Variants in HOOK3 observed in about 807,000 individuals in gnomAD.
HOOK3 encodes hook microtubule tethering protein 3, also known as protein Hook homolog 3.
In HOOK3, 24 loss-of-function variants were observed where a neutral mutation model predicts 116.3. The ratio of observed to expected loss-of-function variants is 0.21; its 90% CI spans 0.15 to 0.29. The LOEUF is 0.29. Ranked by LOEUF, HOOK3 falls within the 10% of genes least tolerant of loss-of-function variation. HOOK3 has a pLI of 1.00. For missense variants in HOOK3, 632 were observed against 830.2 expected (o/e 0.76, Z 2.93); for synonymous variants, 275 against 283.0 (o/e 0.97, Z 0.28).
In HOOK3 at chr8:42,925,643, C is replaced by T. The variant is rs553898329; in HGVS notation, c.216+14C>T. 16 of 1,534,064 alleles carry T rather than the reference C, an allele frequency of 1.0e-5. No individual in the cohort carries two copies. In the Admixed American group the frequency reaches 1.4e-4, roughly 14 times the overall value. Reference sequence around the variant, plus strand: ...TGGAGGCTAAAGGTATTTTATTTTTCCACCTGTTAAATCTTTAAATATTTG... The same window carrying T: ...TGGAGGCTAAAGGTATTTTATTTTTTCACCTGTTAAATCTTTAAATATTTG... On this transcript the variant is annotated intron_variant, in intron 3 of 21. Coordinates refer to ENST00000307602, the MANE Select transcript of HOOK3 (RefSeq NM_032410.4).
intron 2 of HOOK3, among the ~76,000 whole-genome samples, chr8:42,921,035 A>G (rs1428819924): frequency 2.0e-5 from 3 of 152,190 alleles, no homozygotes; most frequent in African/African-American, 7.2e-5. Flanking sequence ...ATGATGCCTG[A>G]TGTGAAACAT....
At chr8:42,959,818 G>A (rs979472511) in intron 8 of HOOK3, among the ~76,000 whole-genome samples, 1 of 151,496 alleles carries the variant, frequency 6.6e-6, no homozygotes, top group Non-Finnish European at 1.5e-5. Context: ...TTATTTGTCT[G>A]GAATTTACTT....
chr8:42,964,977 T>C (rs1415424272), intron 9 of HOOK3, among the ~76,000 whole-genome samples: 2 of 152,236 alleles, frequency 1.3e-5, no homozygotes, highest in Non-Finnish European at 2.9e-5. Context: ...ACCCTCCTTA[T>C]TGTTTGAAGG....
At chr8:43,014,508 C>G (rs1053292134) in intron 21 of HOOK3, among the ~76,000 whole-genome samples, 3 of 151,702 alleles carry the variant, frequency 2.0e-5, no homozygotes, top group African/African-American at 7.3e-5. Flanking sequence ...CCTGCCAGCA[C>G]GCCCGAATAA....
intron 17 of HOOK3, 50 bp downstream of exon 17, chr8:43,002,191 G>GTT: frequency 7.1e-7 from 1 of 1,406,874 alleles, no homozygotes; most frequent in Non-Finnish European, 1.0e-6. Flanking sequence ...GAACACATGT[G>GTT]CTTTGTGTTA....
chr8:43,029,848 T>G lies in HOOK3; in HGVS notation c.*11350T>G, dbSNP rs1809998666. 1 of 213,542 alleles carries G rather than the reference T, an allele frequency of 4.7e-6. No individual in the cohort carries two copies. Among genetic ancestry groups the G allele is most frequent in the Non-Finnish European group, 9.5e-6 (1 of 105,606 alleles). 13.2% of individuals were successfully genotyped at this position (213,542 alleles called of 1,614,324 possible). A position where few individuals can be genotyped will look rare whatever the true frequency, so the allele number is the denominator to read the frequency against. On this transcript the variant is annotated 3_prime_UTR_variant, in exon 22 of 22. Transcript: ENST00000307602. ...TGAGTACAGCCCCAACTCTGAAGCC[T>G]TATATTCATGTCTTAAGTACCATTG...
intron 5 of HOOK3, among the ~76,000 whole-genome samples, 186 bp from the exon 6 acceptor site, chr8:42,950,202 G>A (rs74647408): frequency 0.016 from 2,498 of 152,258 alleles, 32 homozygotes; most frequent in Non-Finnish European, 0.022. Context: ...GGCAAGAAAA[G>A]ATCTTAAGGA....
chr8:43,018,720 T>C lies in HOOK3; in HGVS notation c.*222T>C. 2.3e-6 allele frequency: 1 copy of C among 427,626 alleles called. No homozygotes were observed. Among genetic ancestry groups the C allele is most frequent in the Non-Finnish European group, 4.1e-6 (1 of 243,416 alleles). The allele number at this position is 427,626 out of a possible 1,614,324, so 26.5% of individuals were successfully genotyped here. A position where few individuals can be genotyped will look rare whatever the true frequency, so the allele number is the denominator to read the frequency against. On this transcript the variant is annotated 3_prime_UTR_variant, in exon 22 of 22. Transcript: ENST00000307602. ...CAGTTATTTTTAATGTGCCAAAAAT[T>C]TGTACATGTTCAATTAAAAATGTTG...
intron 4 of HOOK3, among the ~76,000 whole-genome samples, chr8:42,940,604 C>T (rs1004349173): frequency 2.0e-5 from 3 of 152,232 alleles, no homozygotes; most frequent in Non-Finnish European, 4.4e-5. Flanking sequence ...TGTGGGGTTT[C>T]TGCAGAGAGA....
intron 3 of HOOK3, among the ~76,000 whole-genome samples, chr8:42,928,407 C>T (rs1024622985): frequency 1.3e-5 from 2 of 151,604 alleles, no homozygotes; most frequent in Non-Finnish European, 2.9e-5. Flanking sequence ...GCCGAGATTG[C>T]GCCACTGTAC....
intron 13 of HOOK3, among the ~76,000 whole-genome samples, chr8:42,978,252 C>G (rs939353488): frequency 5.3e-5 from 8 of 152,004 alleles, no homozygotes; most frequent in African/African-American, 1.9e-4. Context: ...TAACCATTTT[C>G]TTTTTTTGAG....
chr8:43,028,618 A>G lies in HOOK3; in HGVS notation c.*10120A>G, dbSNP rs376176390. On this transcript the variant is annotated 3_prime_UTR_variant, in exon 22 of 22. Transcript: ENST00000307602. ...CTGCTCTTATTAACTTGTATTATGA[A>G]TCAAATTAAGTTTTATGTATAAGGC... 7 of 190,776 alleles carry G rather than the reference A, an allele frequency of 3.7e-5. No homozygotes were observed. The highest frequency in any genetic ancestry group is 1.4e-4 in the African/African-American group (6 of 42,990). The allele number at this position is 190,776 out of a possible 1,614,324, so 11.8% of individuals were successfully genotyped here.
intron 12 of HOOK3, among the ~76,000 whole-genome samples, chr8:42,973,749 T>C (rs1021160719): frequency 2.0e-5 from 3 of 152,202 alleles, no homozygotes; most frequent in African/African-American, 7.2e-5. Flanking sequence ...TTTCAAATCT[T>C]TTAAAAATAT....
At chr8:42,990,844 C>T (rs1225760529) in intron 15 of HOOK3, among the ~76,000 whole-genome samples, 1 of 152,072 alleles carries the variant, frequency 6.6e-6, no homozygotes, top group Admixed American at 6.6e-5. Flanking sequence ...CCATTTGCTC[C>T]TTTTTCCTTT....
At chr8:42,943,132 T>C (rs1483349777) in intron 4 of HOOK3, among the ~76,000 whole-genome samples, 181 bp from the exon 5 acceptor site, 1 of 152,164 alleles carries the variant, frequency 6.6e-6, no homozygotes, top group Non-Finnish European at 1.5e-5. Context: ...ACTAAGTTGC[T>C]GTGACTCAAG....
intron 15 of HOOK3, among the ~76,000 whole-genome samples, chr8:42,991,681 C>T (rs1281689381): frequency 6.6e-6 from 1 of 152,076 alleles, no homozygotes; most frequent in Non-Finnish European, 1.5e-5. Flanking sequence ...GGATTACAGG[C>T]GTGAGCCACT....
intron 5 of HOOK3, 87 bp downstream of exon 5, chr8:42,943,532 CA>C: frequency 1.2e-6 from 1 of 854,406 alleles, no homozygotes; most frequent in Non-Finnish European, 1.6e-6. Flanking sequence ...TCACCAGTAC[CA>C]ACAGTAACAT....
At position 42,928,250 on chromosome 8, in the gene HOOK3, G is replaced by T. The variant is rs188373411; in HGVS notation, c.217-1872G>T. Among the ~76,000 whole-genome samples, 40 of 152,002 alleles carry T rather than the reference G, an allele frequency of 2.6e-4. 1 individual carries two copies. The East Asian group carries it at 7.2e-3, about 27-fold the overall frequency. On this transcript the variant is annotated intron_variant, in intron 3 of 21. Coordinates refer to ENST00000307602, the MANE Select transcript of HOOK3 (RefSeq NM_032410.4). ...GCCAAGATGGCGCCACTGCACTCCA[G>T]CCTGGCGACAGAGCAAAACTCTGTC...
intron 4 of HOOK3, among the ~76,000 whole-genome samples, chr8:42,939,448 C>T (rs1208437480): frequency 1.3e-5 from 2 of 149,744 alleles, no homozygotes; most frequent in Non-Finnish European, 3.0e-5. Context: ...CAGAGGGGCT[C>T]CTCACTTCCC....
Sources: gnomAD v4.1 joint callset for allele counts (sites outside exome capture counted in the v4.1 genomes callset) on GRCh38, gnomAD v4.1.1 for gene constraint, MANE v1.5 for transcripts, NCBI Gene and HGNC (gene_info 2026-07-23, HGNC 2026-07-21) for gene names.